TRIM25: variants seen among roughly 807,000 people sequenced by gnomAD.
TRIM25 encodes tripartite motif containing 25.
In TRIM25, 45 loss-of-function variants were observed where a neutral mutation model predicts 65.2. The observed-to-expected ratio is 0.69, with a 90% CI of 0.54 to 0.89. TRIM25 has a LOEUF of 0.89. Ranked by LOEUF, TRIM25 falls within the 40% of genes least tolerant of loss-of-function variation. The pLI, the probability that TRIM25 is intolerant of heterozygous loss-of-function variation, is 0.00. For synonymous variants in TRIM25, 321 were observed against 340.4 expected (o/e 0.94, Z 0.63); for missense variants, 714 against 803.7 (o/e 0.89, Z 1.35).
intron 4 of TRIM25, 55 bp from the exon 5 acceptor site, chr17:56,899,235 GC>G (rs1909361945): frequency 6.3e-7 from 1 of 1,595,142 alleles, no homozygotes; most frequent in Non-Finnish European, 8.6e-7. Flanking sequence ...GACCCTAGCA[GC>G]CAGCTTTGCC....
chr17:56,908,005 G>A (rs1394725653), intron 2 of TRIM25, among the ~76,000 whole-genome samples: 1 of 152,154 alleles, frequency 6.6e-6, no homozygotes. Flanking sequence ...TCGGGAGTGT[G>A]GCCACGCCAA....
Position 56,892,013 on chromosome 17 carries a change from C to T in TRIM25, c.1580G>A (p.Gly527Asp). The T allele has an allele frequency of 2.5e-6, 4 of 1,614,166 alleles. No individual in the cohort carries two copies. In the East Asian group the frequency reaches 8.9e-5, roughly 36 times the overall value. Residue 527 changes from glycine to aspartate, a missense_variant, in exon 9 of 9, where the codon GGC (glycine) becomes GAC (aspartate). By Grantham distance (94) the Gly-to-Asp change is moderately conservative. This residue lies in a region of TRIM25 where 413 missense variants were observed against 498.2 expected (regional missense o/e 0.83). Coordinates refer to ENST00000316881, the MANE Select transcript of TRIM25 (RefSeq NM_005082.5). ...CCGGTTCATGCTTCCGTAGCAGATG[C>T]CTACCCCACAGAAGTTGTTCTTCTG... ...ELQKNNFCGVGICYGSMNRQG... is the reference protein window; with the variant it reads ...ELQKNNFCGVDICYGSMNRQG...
chr17:56,899,484 C>T (rs1909367344), intron 4 of TRIM25, among the ~76,000 whole-genome samples: 1 of 152,202 alleles, frequency 6.6e-6, no homozygotes, highest in South Asian at 2.1e-4. Flanking sequence ...ATGGGGATGA[C>T]TTCACCTTGC....
rs1300907329 is a variant in TRIM25 at position 56,890,591 on chromosome 17, T to G, written c.*1109A>C. 3.9e-5 allele frequency: 18 copies of G among 456,064 alleles called. No homozygotes were observed. Among genetic ancestry groups the G allele is most frequent in the Non-Finnish European group, 1.3e-5 (3 of 226,916 alleles). The allele number at this position is 456,064 out of a possible 1,614,324, so 28.3% of individuals were successfully genotyped here. A position where few individuals can be genotyped will look rare whatever the true frequency, so the allele number is the denominator to read the frequency against. On this transcript the variant is annotated 3_prime_UTR_variant, in exon 9 of 9. Transcript: ENST00000316881. Reference sequence around the variant, plus strand: ...TAGGTTGACACCCCAGCAAGTGGCCTAGCATGGTCCGAGGCAGCCGCATAG... The same window carrying G: ...TAGGTTGACACCCCAGCAAGTGGCCGAGCATGGTCCGAGGCAGCCGCATAG...
At chr17:56,894,502 G>A (rs1420432388) in intron 8 of TRIM25, among the ~76,000 whole-genome samples, 2 of 152,120 alleles carry the variant, frequency 1.3e-5, no homozygotes, top group South Asian at 2.1e-4. Context: ...CACCTGCCTC[G>A]GGCTCCCAAA....
In TRIM25 at chr17:56,890,602, G is replaced by A. The variant is rs183494737; in HGVS notation, c.*1098C>T. 2 of 456,430 alleles carry A rather than the reference G, an allele frequency of 4.4e-6. No individual in the cohort carries two copies. Among genetic ancestry groups the A allele is most frequent in the East Asian group, 7.0e-5 (1 of 14,388 alleles). The allele number at this position is 456,430 out of a possible 1,614,324, so 28.3% of individuals were successfully genotyped here. Reference sequence around the variant, plus strand: ...CCCAGCAAGTGGCCTAGCATGGTCCGAGGCAGCCGCATAGCCTGTCTGCAT... The same window carrying A: ...CCCAGCAAGTGGCCTAGCATGGTCCAAGGCAGCCGCATAGCCTGTCTGCAT... On this transcript the variant is annotated 3_prime_UTR_variant, in exon 9 of 9. Transcript: ENST00000316881.
intron 1 of TRIM25, 36 bp from the exon 2 acceptor site, chr17:56,908,599 C>G: frequency 6.3e-7 from 1 of 1,595,512 alleles, no homozygotes; most frequent in Non-Finnish European, 8.6e-7. Flanking sequence ...GAATGCACCT[C>G]TTCAGCCCAG....
rs1368229513 is a variant in TRIM25 at position 56,913,380 on chromosome 17, G to A, written c.597+12C>T. 3 of 1,548,564 alleles carry A rather than the reference G, an allele frequency of 1.9e-6. No homozygotes were observed. The highest frequency in any genetic ancestry group is 2.5e-5 in the South Asian group (2 of 81,252). On this transcript the variant is annotated intron_variant, in intron 1 of 8. Coordinates refer to ENST00000316881, the MANE Select transcript of TRIM25 (RefSeq NM_005082.5). This position sits in a 1 kb window ranked among gnomAD's most constrained non-coding sequence, Gnocchi z 6.1. The stretch of plus-strand genomic sequence containing the variant: ...CCAGGCTGCCCTCTGCACCCAGCAG[G>A]CCGTTCCCTACCTCCAGGTCGGCGC...
At position 56,891,637 on chromosome 17, in the gene TRIM25, GCTGTATTTTCACTAGGGTCTTGGGACTT is replaced by G; in HGVS notation, c.*35_*62del. On this transcript the variant is annotated 3_prime_UTR_variant, in exon 9 of 9. Transcript: ENST00000316881. ...GAATTATCCAAGGAGAGTTCTGCCT[GCTGTATTTTCACTAGGGTCTTGGGACTT>G]CTGCAGGCAGTCAGCCCAAGTGCCT... The G allele has an allele frequency of 6.5e-7, 1 of 1,541,308 alleles. No individual in the cohort carries two copies. The highest frequency in any genetic ancestry group is 1.2e-5 in the South Asian group (1 of 81,398).
chr17:56,900,955 G>C (rs906535390), intron 4 of TRIM25, among the ~76,000 whole-genome samples: 12 of 152,214 alleles, frequency 7.9e-5, no homozygotes, highest in Non-Finnish European at 1.6e-4. Context: ...GATGGCAATG[G>C]AGAACAGGCA....
intron 2 of TRIM25, among the ~76,000 whole-genome samples, chr17:56,905,742 G>A (rs1457093856): frequency 6.6e-6 from 1 of 152,160 alleles, no homozygotes; most frequent in Admixed American, 6.5e-5. Context: ...AGGATCGCTT[G>A]AGGCCAGGAG....
At chr17:56,906,147 G>T (rs1400770687) in intron 2 of TRIM25, among the ~76,000 whole-genome samples, 2 of 152,252 alleles carry the variant, frequency 1.3e-5, no homozygotes, top group African/African-American at 4.8e-5. Context: ...CTCATGCTGA[G>T]ATTTAATTGC....
chr17:56,913,450 A>C lies in TRIM25; in HGVS notation c.539T>G (p.Leu180Arg), dbSNP rs1909669184. 6.2e-7 allele frequency: 1 copy of C among 1,609,928 alleles called. No individual in the cohort carries two copies. The change falls in exon 1 of 9, where the codon CTG (leucine) becomes CGG (arginine). Residue 180 changes from leucine to arginine, a missense_variant. Leu to Arg is a moderately radical substitution (Grantham distance 102). Transcript: ENST00000316881. This position sits in a 1 kb window ranked among gnomAD's most constrained non-coding sequence, Gnocchi z 6.1. ...GGGAGAGCAGGTCTTATGCTCCACC[A>C]GGCAGATGTGGCAGATGCACTCGCT... ...EHSECICHIC[L>R]VEHKTCSPAS...
At chr17:56,911,819 G>C (rs1222111152) in intron 1 of TRIM25, among the ~76,000 whole-genome samples, 3 of 151,788 alleles carry the variant, frequency 2.0e-5, no homozygotes, top group Middle Eastern at 3.2e-3. Flanking sequence ...CTGAGCCCAG[G>C]AGTTTGAGAT....
At chr17:56,892,916 A>G (rs569324716) in intron 8 of TRIM25, among the ~76,000 whole-genome samples, 1 of 152,386 alleles carries the variant, frequency 6.6e-6, no homozygotes, top group South Asian at 2.1e-4. Flanking sequence ...CACACACTGT[A>G]GGGACACAGA....
intron 4 of TRIM25, 68 bp from the exon 5 acceptor site, chr17:56,899,248 T>C (rs1909362338): frequency 5.8e-6 from 9 of 1,548,160 alleles, no homozygotes; most frequent in Admixed American, 1.7e-5. Context: ...AGCTTTGCCA[T>C]GGGTCGGTGG....
rs1909630421 is a variant in TRIM25, at chr17:56,911,588, A to AAG, written c.597+1803_597+1804insCT. Among the ~76,000 whole-genome samples the AAG allele has an allele frequency of 2.6e-5, 4 of 151,558 alleles. No individual in the cohort carries two copies. In the South Asian group the frequency reaches 8.3e-4, roughly 32 times the overall value. On this transcript the variant is annotated intron_variant, in intron 1 of 8. Transcript: ENST00000316881. ...AACAAGACTCCAACTCAAAAAAAAA[A>AAG]AAAAATTCTGATTTTATAGCCAGGC...
intron 4 of TRIM25, 53 bp downstream of exon 4, chr17:56,901,366 C>G: frequency 6.4e-7 from 1 of 1,572,980 alleles, no homozygotes; most frequent in Non-Finnish European, 8.7e-7. Context: ...TTTAGGGGAC[C>G]CATCGGGTTG....
In TRIM25 at chr17:56,908,614, AC is replaced by A. The variant is rs768277178; in HGVS notation, c.598-52del. ...GAATGCACCTCTTCAGCCCAGCCCCACCAGAAGCCATCCCTGGAACTATCCC... is the reference window on the plus strand; with the variant it reads ...GAATGCACCTCTTCAGCCCAGCCCCACAGAAGCCATCCCTGGAACTATCCC... On this transcript the variant is annotated intron_variant, in intron 1 of 8. Coordinates refer to ENST00000316881, the MANE Select transcript of TRIM25 (RefSeq NM_005082.5). The A allele has an allele frequency of 4.5e-6, 7 of 1,555,798 alleles. No homozygotes were observed. The African/African-American group carries it at 9.5e-5, about 21-fold the overall frequency.
Sources: gnomAD v4.1 joint callset for allele counts (sites outside exome capture counted in the v4.1 genomes callset) on GRCh38, gnomAD v4.1.1 for gene constraint, gnomAD v4.1.1 regional missense constraint, Gnocchi (gnomAD v3.1) non-coding constraint, MANE v1.5 for transcripts, NCBI Gene and HGNC (gene_info 2026-07-23, HGNC 2026-07-21) for gene names.